Variants in PLAGL1 observed in about 807,000 individuals in gnomAD.
PLAGL1 encodes the protein PLAG1 like zinc finger 1.
Under a neutral mutation model 4.6 loss-of-function variants are expected in PLAGL1, and 1 was observed. The ratio of observed to expected loss-of-function variants is 0.22; its 90% CI spans 0.08 to 1.03. The LOEUF (loss-of-function observed/expected upper bound fraction) is 1.03. Among genes scored for constraint, PLAGL1 ranks in the 50% least tolerant of loss-of-function variants. The pLI is 0.58. For synonymous variants in PLAGL1, 240 were observed against 237.8 expected, an observed-to-expected ratio of 1.01 and a Z score of -0.08; for missense variants, 464 against 570.4, an observed-to-expected ratio of 0.81 and a Z score of 1.90.
upstream of PLAGL1, among the ~76,000 whole-genome samples, chr6:144,011,635 A>G (rs964545581): frequency 2.0e-5 from 3 of 152,140 alleles, no homozygotes; most frequent in Non-Finnish European, 2.9e-5. This position sits in a 1 kb window ranked among gnomAD's most constrained non-coding sequence, Gnocchi z 4.3. Flanking sequence ...CTGCTTTTTC[A>G]GGGCTGAATG....
At chr6:143,956,085 C>T (rs1446619749) in intron 6 of PLAGL1, among the ~76,000 whole-genome samples, 6 of 152,170 alleles carry the variant, frequency 3.9e-5, no homozygotes, top group East Asian at 1.9e-4. Context: ...TCTAGGGAAG[C>T]GGATGCCTTT....
In PLAGL1 at chr6:144,061,934, CA is replaced by C. The variant is rs1370289285; in HGVS notation, c.-151+2533del. On this transcript the variant is annotated intron_variant, in intron 1 of 3. Transcript: ENST00000437412. The surrounding 1 kb of genome is among the most constrained non-coding windows in gnomAD (Gnocchi z 4.4). ...AGTGCATGCAATTAAAACAATGTAT[CA>C]ATTATATTTACTATGAATGTAGGAC... Among the ~76,000 whole-genome samples, 2 of 152,156 alleles carry C rather than the reference CA, an allele frequency of 1.3e-5. No individual in the cohort carries two copies. Among genetic ancestry groups the C allele is most frequent in the Admixed American group, 6.5e-5 (1 of 15,276 alleles).
In PLAGL1 at chr6:143,982,430, A is replaced by G. The variant is rs1376921045; in HGVS notation, c.-544+2705T>C. ...TTAGGCCAGAAGTAATGGGACCCAT[A>G]GCACATAGGAGATGATAAGCCTCCG... is the stretch of plus-strand genomic sequence containing the variant. On this transcript the variant is annotated intron_variant, in intron 2 of 7. Coordinates refer to ENST00000674357, the MANE Select transcript of PLAGL1 (RefSeq NM_001317162.2). The surrounding 1 kb of genome is among the most constrained non-coding windows in gnomAD (Gnocchi z 5.3). 6.6e-6 allele frequency among the ~76,000 whole-genome samples: 1 copy of G among 152,202 alleles called. No individual in the cohort carries two copies. Among genetic ancestry groups the G allele is most frequent in the Non-Finnish European group, 1.5e-5 (1 of 68,018 alleles).
Position 143,994,963 on chromosome 6 carries a change from A to G in PLAGL1, c.-583-9789T>C, listed in dbSNP as rs1482563177. Among the ~76,000 whole-genome samples the G allele has an allele frequency of 6.6e-6, 1 of 152,190 alleles. No homozygotes were observed. The highest frequency in any genetic ancestry group is 1.5e-5 in the Non-Finnish European group (1 of 68,036). On this transcript the variant is annotated intron_variant, in intron 1 of 7. Coordinates refer to ENST00000674357, the MANE Select transcript of PLAGL1 (RefSeq NM_001317162.2). The surrounding 1 kb of genome is among the most constrained non-coding windows in gnomAD (Gnocchi z 4.3). ...TCAGTGATGCCTCTATCTTGTCATCATCTAATGGGAACAATTAAGAGACAA... is the reference window on the plus strand; with the variant it reads ...TCAGTGATGCCTCTATCTTGTCATCGTCTAATGGGAACAATTAAGAGACAA...
chr6:143,943,059 G>C (rs1229032260), intron 7 of PLAGL1, among the ~76,000 whole-genome samples: 1 of 9,494 alleles, frequency 1.1e-4, no homozygotes, highest in Admixed American at 1.8e-3. Flanking sequence ...TTGAGACAAG[G>C]TCTCACTATA....
At position 144,056,363 on chromosome 6, in the gene PLAGL1, C is replaced by G. The variant is rs1202682106; in HGVS notation, c.-151+8105G>C. Among the ~76,000 whole-genome samples the G allele has an allele frequency of 6.6e-6, 1 of 152,168 alleles. No homozygotes were observed. The highest frequency in any genetic ancestry group is 1.9e-4 in the East Asian group (1 of 5,196). Reference sequence around the variant, plus strand: ...TCACCCAGCGTCCATGGTTCACATTCGGGCTCACCTTGACGTTATACATTC... The same window carrying G: ...TCACCCAGCGTCCATGGTTCACATTGGGGCTCACCTTGACGTTATACATTC... On this transcript the variant is annotated intron_variant, in intron 1 of 3. Coordinates refer to the PLAGL1 transcript ENST00000437412. This position sits in a 1 kb window ranked among gnomAD's most constrained non-coding sequence, Gnocchi z 4.7.
intron 3 of PLAGL1, chr6:143,967,997 C>CAAAAAAAAAAAAAA (rs60021436): frequency 1.1e-5 from 1 of 90,020 alleles, no homozygotes. Context: ...GGACATTTTG[C>CAAAAAAAAAAAAAA]AAAAAAAAAA....
chr6:143,969,085 G>T (rs1784947032), intron 2 of PLAGL1, 107 bp from the exon 3 acceptor site: 1 of 151,736 alleles, frequency 6.6e-6, no homozygotes, highest in Non-Finnish European at 1.5e-5. Flanking sequence ...TGAGTTCAAG[G>T]ATACCAGGGG....
At position 143,941,122 on chromosome 6, in the gene PLAGL1, G is replaced by A. The variant is rs945057946; in HGVS notation, c.*302C>T. 8 of 222,210 alleles carry A rather than the reference G, an allele frequency of 3.6e-5. No homozygotes were observed. Among genetic ancestry groups the A allele is most frequent in the Non-Finnish European group, 6.1e-5 (7 of 114,206 alleles). 13.8% of individuals were successfully genotyped at this position (222,210 alleles called of 1,614,324 possible). A position where few individuals can be genotyped will look rare whatever the true frequency, so the allele number is the denominator to read the frequency against. On this transcript the variant is annotated 3_prime_UTR_variant, in exon 8 of 8. Transcript: ENST00000674357. The surrounding 1 kb of genome is among the most constrained non-coding windows in gnomAD (Gnocchi z 6.0). Reference sequence around the variant, plus strand: ...AGTTAACATTATGATCATGGCTTACGATTAAATTCCATATGACAAACACTT... The same window carrying A: ...AGTTAACATTATGATCATGGCTTACAATTAAATTCCATATGACAAACACTT...
Position 143,948,209 on chromosome 6 carries a change from G to A in PLAGL1, c.-73C>T, listed in dbSNP as rs1195368426. On this transcript the variant is annotated 5_prime_UTR_variant, in exon 7 of 8. Transcript: ENST00000674357. The surrounding 1 kb of genome is among the most constrained non-coding windows in gnomAD (Gnocchi z 6.0). ...TGTGCCATTTAAGCACAAACAGAAC[G>A]ATGGTGCTGGGCACATCAGCAGAGT... 10 of 1,404,112 alleles carry A rather than the reference G, an allele frequency of 7.1e-6. No homozygotes were observed. The highest frequency in any genetic ancestry group is 1.4e-5 in the African/African-American group (1 of 71,014). 87.0% of individuals were successfully genotyped at this position (1,404,112 alleles called of 1,614,324 possible).
Position 143,947,605 on chromosome 6 carries a change from A to G in PLAGL1, c.152+380T>C, listed in dbSNP as rs1035343135. ...CTGCCTCCTCCTCTTTCATTGTGTC[A>G]CAGCTTAAAGATTGTCCCCATCTGA... On this transcript the variant is annotated intron_variant, in intron 7 of 7. Coordinates refer to ENST00000674357, the MANE Select transcript of PLAGL1 (RefSeq NM_001317162.2). The surrounding 1 kb of genome is among the most constrained non-coding windows in gnomAD (Gnocchi z 4.3). Among the ~76,000 whole-genome samples, 5 of 152,176 alleles carry G rather than the reference A, an allele frequency of 3.3e-5. No homozygotes were observed. The highest frequency in any genetic ancestry group is 1.2e-4 in the African/African-American group (5 of 41,444).
Position 144,015,709 on chromosome 6 carries a change from G to T in PLAGL1, c.-150-46731C>A, listed in dbSNP as rs1283113459. Among the ~76,000 whole-genome samples the T allele has an allele frequency of 6.6e-6, 1 of 152,148 alleles. No homozygotes were observed. Among genetic ancestry groups the T allele is most frequent in the Admixed American group, 6.5e-5 (1 of 15,272 alleles). On this transcript the variant is annotated intron_variant, in intron 1 of 3. Coordinates refer to the PLAGL1 transcript ENST00000437412. The surrounding 1 kb of genome is among the most constrained non-coding windows in gnomAD (Gnocchi z 4.3). Reference sequence around the variant, plus strand: ...CTACATACCCACTGGAAAGGCTAAAGTTGAAAAGACTGAAAATACCAAGGG... The same window carrying T: ...CTACATACCCACTGGAAAGGCTAAATTTGAAAAGACTGAAAATACCAAGGG...
chr6:143,943,944 T>C (rs899103425), intron 7 of PLAGL1, among the ~76,000 whole-genome samples: 1 of 152,204 alleles, frequency 6.6e-6, no homozygotes, highest in Admixed American at 6.5e-5. Context: ...GAGTTTGTCA[T>C]CCTTAAGCTT....
Position 143,963,430 on chromosome 6 carries a change from C to T in PLAGL1, c.-399+1357G>A, listed in dbSNP as rs1042935366. Among the ~76,000 whole-genome samples, 4 of 152,318 alleles carry T rather than the reference C, an allele frequency of 2.6e-5. No homozygotes were observed. The highest frequency in any genetic ancestry group is 2.1e-4 in the South Asian group (1 of 4,832). On this transcript the variant is annotated intron_variant, in intron 5 of 7. Transcript: ENST00000674357. This position sits in a 1 kb window ranked among gnomAD's most constrained non-coding sequence, Gnocchi z 6.1. Reference sequence around the variant, plus strand: ...CACTGCCTGTTCTAGCTAATGGCACCGCTATGCAATAGCCATCAGAGCTCC... The same window carrying T: ...CACTGCCTGTTCTAGCTAATGGCACTGCTATGCAATAGCCATCAGAGCTCC...
At chr6:144,054,146 C>T (rs1008865214) in intron 1 of PLAGL1, among the ~76,000 whole-genome samples, 41 of 143,312 alleles carry the variant, frequency 2.9e-4, no homozygotes, top group African/African-American at 1.2e-3. Context: ...AATATATGCT[C>T]ACTTAACAAA....
chr6:143,964,161 A>G lies in PLAGL1; in HGVS notation c.-399+626T>C, dbSNP rs893746346. Reference sequence around the variant, plus strand: ...AGGCCCTGGCACCCCTCTGTTCCCTAAGGCAATGAGTAGAATCCTTGAGAA... The same window carrying G: ...AGGCCCTGGCACCCCTCTGTTCCCTGAGGCAATGAGTAGAATCCTTGAGAA... On this transcript the variant is annotated intron_variant, in intron 5 of 7. Coordinates refer to ENST00000674357, the MANE Select transcript of PLAGL1 (RefSeq NM_001317162.2). The surrounding 1 kb of genome is among the most constrained non-coding windows in gnomAD (Gnocchi z 4.3). 1.3e-5 allele frequency among the ~76,000 whole-genome samples: 2 copies of G among 151,956 alleles called. No individual in the cohort carries two copies. Among genetic ancestry groups the G allele is most frequent in the Non-Finnish European group, 2.9e-5 (2 of 67,970 alleles).
Position 144,027,234 on chromosome 6 carries a change from CGAAAGAAAGAAAGAAAGAAAGAAA to C in PLAGL1, c.-151+37210_-151+37233del, listed in dbSNP as rs67928472. Among the ~76,000 whole-genome samples, 238 of 111,630 alleles carry C rather than the reference CGAAAGAAAGAAAGAAAGAAAGAAA, an allele frequency of 2.1e-3. No individual in the cohort carries two copies. The highest frequency in any genetic ancestry group is 3.5e-3 in the Non-Finnish European group (193 of 55,088). 73.2% of individuals were successfully genotyped at this position (111,630 alleles called of 152,430 possible). On this transcript the variant is annotated intron_variant, in intron 1 of 3. Coordinates refer to the PLAGL1 transcript ENST00000437412. The surrounding 1 kb of genome is among the most constrained non-coding windows in gnomAD (Gnocchi z 5.8). Reference sequence around the variant, plus strand: ...GAAAGACCCCAACTCAAAGAACGAACGAAAGAAAGAAAGAAAGAAAGAAAGAAAGAAAGAAAGAAAGAAAGAAAG... The same window carrying C: ...GAAAGACCCCAACTCAAAGAACGAACGAAAGAAAGAAAGAAAGAAAGAAAG...
rs1026467370 is a variant in PLAGL1 at position 143,982,037 on chromosome 6, C to T, written c.-544+3098G>A. ...GGGATTCACCACTGTGAACAAAACA[C>T]GCAAAAATTCCTACCCTTGTGAAGC... On this transcript the variant is annotated intron_variant, in intron 2 of 7. Transcript: ENST00000674357. The surrounding 1 kb of genome is among the most constrained non-coding windows in gnomAD (Gnocchi z 5.3). Among the ~76,000 whole-genome samples, 39 of 152,224 alleles carry T rather than the reference C, an allele frequency of 2.6e-4. No individual in the cohort carries two copies. Among genetic ancestry groups the T allele is most frequent in the African/African-American group, 8.7e-4 (36 of 41,536 alleles).
chr6:143,970,560 G>A lies in PLAGL1; in HGVS notation c.-543-1582C>T, dbSNP rs567008387. ...GTAAGGAGGATGTCTTGTTTTCAACGGCTAGATAAACGTTTATTAGGGCTG... is the reference window on the plus strand; with the variant it reads ...GTAAGGAGGATGTCTTGTTTTCAACAGCTAGATAAACGTTTATTAGGGCTG... On this transcript the variant is annotated intron_variant, in intron 2 of 7. Coordinates refer to ENST00000674357, the MANE Select transcript of PLAGL1 (RefSeq NM_001317162.2). The surrounding 1 kb of genome is among the most constrained non-coding windows in gnomAD (Gnocchi z 5.8). Among the ~76,000 whole-genome samples the A allele has an allele frequency of 7.8e-4, 119 of 152,130 alleles. No homozygotes were observed. Among genetic ancestry groups the A allele is most frequent in the Middle Eastern group, 6.8e-3 (2 of 294 alleles).
Sources: allele counts gnomAD v4.1 joint callset (sites outside exome capture counted in the v4.1 genomes callset), GRCh38; gene constraint gnomAD v4.1.1; non-coding constraint Gnocchi (gnomAD v3.1); transcripts MANE v1.5; gene names NCBI Gene and HGNC (gene_info 2026-07-23, HGNC 2026-07-21).